The following YTHDC2 variants were observed in gnomAD, a reference collection of about 807,000 sequenced individuals.
The protein encoded by YTHDC2 is YTH N6-methyladenosine RNA binding protein C2, also known as 3'-5' RNA helicase YTHDC2.
YTHDC2 carries 45 observed loss-of-function variants against 174.9 expected under a neutral mutation model. That is an observed-to-expected ratio of 0.26 (90% CI 0.20 to 0.33). The LOEUF (loss-of-function observed/expected upper bound fraction) is 0.33. Among genes scored for constraint, YTHDC2 ranks in the 10% least tolerant of loss-of-function variants. YTHDC2 has a pLI of 1.00. For missense variants in YTHDC2, 1,650 were observed against 1,723.7 expected (o/e 0.96, Z 0.76); for synonymous variants, 657 against 574.5 (o/e 1.14, Z -2.05).
intron 3 of YTHDC2, among the ~76,000 whole-genome samples, chr5:113,526,336 G>GT (rs1774235388): frequency 1.6e-5 from 2 of 126,558 alleles, no homozygotes; most frequent in African/African-American, 7.3e-5. Flanking sequence ...TATGTCTGAG[G>GT]TTCACTTTCT....
At position 113,581,521 on chromosome 5, in the gene YTHDC2, A is replaced by G; in HGVS notation, c.3459A>G (p.Ile1153Met). The G allele has an allele frequency of 6.2e-7, 1 of 1,614,030 alleles. No homozygotes were observed. The highest frequency in any genetic ancestry group is 8.5e-7 in the Non-Finnish European group (1 of 1,179,904). The change falls in exon 25 of 30, where the codon ATA becomes ATG. Residue 1153 changes from isoleucine to methionine, a missense_variant. Around this residue, in one of 5 missense-constraint regions of YTHDC2, gnomAD observed 913 missense variants for 940.4 expected, o/e 0.97. Coordinates refer to ENST00000161863, the MANE Select transcript of YTHDC2 (RefSeq NM_022828.5). ...KPWSQVDEAT[I>M]RAIIAVLSTE... is the part of the protein sequence containing the mutation. ...GGTCTCAAGTTGATGAAGCTACCAT[A>G]AGAGCAATTATAGCTGTTTTAAGCA...
chr5:113,557,016 G>A (rs1159835503), intron 17 of YTHDC2, among the ~76,000 whole-genome samples: 1 of 152,122 alleles, frequency 6.6e-6, no homozygotes, highest in Non-Finnish European at 1.5e-5. Context: ...ATTGTTAATT[G>A]AAAGGATACA....
chr5:113,558,962 G>GA (rs1217068681), intron 17 of YTHDC2, among the ~76,000 whole-genome samples: 2 of 150,644 alleles, frequency 1.3e-5, no homozygotes, highest in African/African-American at 4.9e-5. Context: ...AGCTGTCTAA[G>GA]AAGTTTCTCA....
At chr5:113,553,077 CACTT>C in intron 12 of YTHDC2, 100 bp from the exon 13 acceptor site, 1 of 1,111,994 alleles carries the variant, frequency 9.0e-7, no homozygotes, top group Middle Eastern at 2.6e-4. Context: ...CATTAAGTGT[CACTT>C]ACCTTACCTT....
At chr5:113,571,192 T>G (rs540210041) in intron 23 of YTHDC2, among the ~76,000 whole-genome samples, 12 of 152,348 alleles carry the variant, frequency 7.9e-5, no homozygotes, top group Admixed American at 4.6e-4. Context: ...CACGAAGACA[T>G]GTTGAATTTT....
intron 16 of YTHDC2, among the ~76,000 whole-genome samples, chr5:113,555,719 C>T (rs1475936431): frequency 1.3e-5 from 2 of 152,160 alleles, no homozygotes; most frequent in African/African-American, 4.8e-5. Context: ...AAAGTGACCT[C>T]AAGGGAATAG....
intron 2 of YTHDC2, among the ~76,000 whole-genome samples, chr5:113,521,411 T>G (rs1213316495): frequency 6.6e-6 from 1 of 152,178 alleles, no homozygotes; most frequent in Non-Finnish European, 1.5e-5. Context: ...AGATCTCATC[T>G]TCAATTTAGC....
intron 9 of YTHDC2, among the ~76,000 whole-genome samples, 181 bp downstream of exon 9, chr5:113,541,297 T>C (rs145131113): frequency 0.018 from 2,713 of 152,000 alleles, 39 homozygotes; most frequent in Middle Eastern, 0.065. Context: ...GTTCACGCCA[T>C]TCTCCTGCCT....
chr5:113,540,435 C>T (rs1561647111), intron 8 of YTHDC2, among the ~76,000 whole-genome samples: 1 of 152,150 alleles, frequency 6.6e-6, no homozygotes, highest in Admixed American at 6.5e-5. Context: ...AAGATACTAC[C>T]TGAGACTTGG....
chr5:113,571,330 A>G (rs1237601972), intron 23 of YTHDC2, among the ~76,000 whole-genome samples: 1 of 152,220 alleles, frequency 6.6e-6, no homozygotes, highest in African/African-American at 2.4e-5. Context: ...GATGAAGCCA[A>G]CTTGATTGTG....
rs1206906869 is a variant in YTHDC2, at chr5:113,557,986, G to A, written c.2216+1852G>A. On this transcript the variant is annotated intron_variant, in intron 17 of 29. Coordinates refer to ENST00000161863, the MANE Select transcript of YTHDC2 (RefSeq NM_022828.5). The stretch of plus-strand genomic sequence containing the variant: ...AGGGCAAATGTTGCAGTCCATGTGG[G>A]AGTCCAGTAAATTAAGCAATTTTAA... Among the ~76,000 whole-genome samples the A allele has an allele frequency of 8.5e-5, 13 of 152,270 alleles. 1 individual carries two copies. Among genetic ancestry groups the A allele is most frequent in the Admixed American group, 5.2e-4 (8 of 15,294 alleles).
At chr5:113,560,351 A>G (rs1351353937) in intron 17 of YTHDC2, among the ~76,000 whole-genome samples, 1 of 152,142 alleles carries the variant, frequency 6.6e-6, no homozygotes, top group Admixed American at 6.6e-5. Context: ...AATGGTTGAG[A>G]AATTTTATTT....
intron 17 of YTHDC2, among the ~76,000 whole-genome samples, chr5:113,558,193 T>C (rs889975943): frequency 6.6e-6 from 1 of 152,162 alleles, no homozygotes; most frequent in Non-Finnish European, 1.5e-5. Context: ...GTTTAGAGAA[T>C]AGTGAAAAAT....
Position 113,563,971 on chromosome 5 carries a change from A to G in YTHDC2, c.2555A>G (p.Lys852Arg). ...GKMVLCAVVL[K>R]CLDPILTIAC... ...ATGGTCTTGTGTGCTGTTGTTTTAA[A>G]GTGTCTGGACCCCATCCTTACAATT... The change falls in exon 20 of 30, where the codon AAG becomes AGG. Residue 852 changes from lysine (K) to arginine (R), a missense_variant. Lys to Arg is a conservative substitution (Grantham distance 26). Transcript: ENST00000161863. 1 of 1,614,144 alleles carries G rather than the reference A, an allele frequency of 6.2e-7. No homozygotes were observed. Among genetic ancestry groups the G allele is most frequent in the Non-Finnish European group, 8.5e-7 (1 of 1,180,018 alleles).
intron 10 of YTHDC2, among the ~76,000 whole-genome samples, chr5:113,547,138 AAAATGTTTT>A (rs1775934789): frequency 6.6e-6 from 1 of 152,210 alleles, no homozygotes; most frequent in Non-Finnish European, 1.5e-5. Context: ...AGGAGTGTTA[AAAATGTTTT>A]AAATGTTTCA....
Position 113,528,936 on chromosome 5 carries a change from G to A in YTHDC2, c.675+2151G>A, listed in dbSNP as rs148595859. The stretch of plus-strand genomic sequence containing the variant: ...TTTTTGGTGGTAGTGGTGGTGGGGG[G>A]TTTGTATGTTTTGTTTTTGTTCTCT... On this transcript the variant is annotated intron_variant, in intron 4 of 29. Transcript: ENST00000161863. 2.0e-5 allele frequency among the ~76,000 whole-genome samples: 3 copies of A among 152,054 alleles called. No individual in the cohort carries two copies. The East Asian group carries it at 5.8e-4, about 29-fold the overall frequency.
At chr5:113,566,139 A>T (rs11747062) in intron 21 of YTHDC2, 120 bp downstream of exon 21, 128,875 of 1,152,418 alleles carry the variant, frequency 0.11, 7,815 homozygotes, top group African/African-American at 0.15. Context: ...CATGTTGTGT[A>T]TCTTATATTC....
intron 19 of YTHDC2, among the ~76,000 whole-genome samples, 173 bp from the exon 20 acceptor site, chr5:113,563,686 G>GAAAC (rs1434151810): frequency 6.6e-6 from 1 of 152,110 alleles, no homozygotes; most frequent in Admixed American, 6.5e-5. Context: ...TGTCATGTAT[G>GAAAC]AAACAGTAGA....
intron 25 of YTHDC2, chr5:113,582,798 T>C (rs1778475321): frequency 6.6e-6 from 1 of 152,126 alleles, no homozygotes; most frequent in African/African-American, 2.4e-5. Context: ...TAAAGAGGAA[T>C]AAAACATTGG....
Sources: gnomAD v4.1 joint callset for allele counts (sites outside exome capture counted in the v4.1 genomes callset) on GRCh38, gnomAD v4.1.1 for gene constraint, gnomAD v4.1.1 regional missense constraint, MANE v1.5 for transcripts, NCBI Gene and HGNC (gene_info 2026-07-23, HGNC 2026-07-21) for gene names.